The following MYOCD variants were observed in gnomAD, a reference collection of about 807,000 sequenced individuals.
MYOCD encodes myocardin.
A neutral mutation model predicts 96.1 loss-of-function variants in MYOCD; 32 were observed. The observed-to-expected ratio is 0.33, with a 90% CI of 0.25 to 0.45. The LOEUF is 0.45. Ranked by LOEUF, MYOCD falls within the 20% of genes least tolerant of loss-of-function variation. The probability of loss-of-function intolerance (pLI) is 1.00; values close to 1 mark genes in which losing one functional copy is unlikely to be tolerated. For missense variants in MYOCD, 1,133 were observed against 1,200.6 expected, an observed-to-expected ratio of 0.94 and a Z score of 0.83; for synonymous variants, 469 against 469.0, an observed-to-expected ratio of 1.00 and a Z score of 0.00.
rs1303118897 is a variant in MYOCD at position 12,704,537 on chromosome 17, CAGG to C, written c.56-588_56-586del. 9.2e-5 allele frequency among the ~76,000 whole-genome samples: 14 copies of C among 152,124 alleles called. No individual in the cohort carries two copies. The South Asian group carries it at 1.9e-3, about 20-fold the overall frequency. The stretch of plus-strand genomic sequence containing the variant: ...CTCCAATAGTCCTTCTTTGAATTCC[CAGG>C]AGAATTCCAGATTCTCATAATACTA... On this transcript the variant is annotated intron_variant, in intron 1 of 13. Transcript: ENST00000425538.
intron 5 of MYOCD, among the ~76,000 whole-genome samples, chr17:12,734,574 G>A (rs1368250073): frequency 7.1e-6 from 1 of 140,820 alleles, no homozygotes; most frequent in African/African-American, 2.7e-5. Flanking sequence ...TCAGTGGTGT[G>A]ATCTCTGCTG....
intron 1 of MYOCD, among the ~76,000 whole-genome samples, chr17:12,674,950 A>G (rs1909927737): frequency 6.6e-6 from 1 of 152,236 alleles, no homozygotes; most frequent in Non-Finnish European, 1.5e-5. Context: ...GGTCACTTAA[A>G]CACTTTAAAA....
At chr17:12,714,362 C>CACACACACACACACACACA (rs1597772908) in intron 2 of MYOCD, among the ~76,000 whole-genome samples, 6 of 147,636 alleles carry the variant, frequency 4.1e-5, no homozygotes, top group Admixed American at 1.4e-4. Context: ...CACACACACA[C>CACACACACACACACACACA]CCCGATCTGG....
At chr17:12,667,419 G>A (rs1342709354) in intron 1 of MYOCD, among the ~76,000 whole-genome samples, 2 of 152,054 alleles carry the variant, frequency 1.3e-5, no homozygotes, top group East Asian at 3.9e-4. Flanking sequence ...GGATGAGTCC[G>A]CCAGCCACTG....
At chr17:12,695,692 T>G (rs1010041034) in intron 1 of MYOCD, among the ~76,000 whole-genome samples, 12 of 152,326 alleles carry the variant, frequency 7.9e-5, no homozygotes, top group African/African-American at 9.6e-5. Flanking sequence ...TGAATTTTAA[T>G]TTTTTGAATT....
chr17:12,700,477 G>C (rs190952432), intron 1 of MYOCD, among the ~76,000 whole-genome samples: 14 of 136,860 alleles, frequency 1.0e-4, no homozygotes, highest in African/African-American at 1.9e-4. Flanking sequence ...GCAGTGGCGC[G>C]ATCTCAGCTT....
At chr17:12,672,361 A>T (rs1291895890) in intron 1 of MYOCD, among the ~76,000 whole-genome samples, 1 of 152,206 alleles carries the variant, frequency 6.6e-6, no homozygotes, top group Non-Finnish European at 1.5e-5. Flanking sequence ...GCCCAATAAT[A>T]GTTTTGCAGC....
At chr17:12,754,279 T>C (rs532641211) in intron 10 of MYOCD, among the ~76,000 whole-genome samples, 2 of 148,010 alleles carry the variant, frequency 1.4e-5, no homozygotes, top group East Asian at 3.9e-4. Context: ...TATTTTTGTA[T>C]TTTTAGTAGA....
chr17:12,736,245 C>T lies in MYOCD; in HGVS notation c.500C>T (p.Thr167Ile). The part of the protein sequence containing the change: ...SSSDGLSPDQ[T>I]RSEDPQNSAG... ...AGCGATGGGCTTTCTCCGGATCAGA[C>T]TCGAAGTGAAGACCCCCAAAACTCA... The change falls in exon 6 of 14, where the codon ACT becomes ATT. Residue 167 changes from threonine to isoleucine, a missense_variant. Thr to Ile is a moderately conservative substitution (Grantham distance 89, BLOSUM62 -1). Coordinates refer to ENST00000425538, the MANE Select transcript of MYOCD (RefSeq NM_001146312.3). 1 of 1,614,224 alleles carries T rather than the reference C, an allele frequency of 6.2e-7. No homozygotes were observed. Among genetic ancestry groups the T allele is most frequent in the Non-Finnish European group, 8.5e-7 (1 of 1,180,038 alleles).
intron 5 of MYOCD, among the ~76,000 whole-genome samples, chr17:12,733,103 G>A (rs1232465984): frequency 6.6e-6 from 1 of 152,096 alleles, no homozygotes; most frequent in Non-Finnish European, 1.5e-5. Context: ...GAGGTCAGGA[G>A]ATCGAAACCA....
intron 7 of MYOCD, among the ~76,000 whole-genome samples, chr17:12,742,059 A>G (rs2150709039): frequency 6.6e-6 from 1 of 152,218 alleles, no homozygotes; most frequent in East Asian, 1.9e-4. Flanking sequence ...GGACCCTGCC[A>G]GGGCTGCAGC....
At chr17:12,762,888 G>C in intron 13 of MYOCD, 185 bp from the exon 14 acceptor site, 1 of 584,010 alleles carries the variant, frequency 1.7e-6, no homozygotes, top group Non-Finnish European at 3.0e-6. Context: ...CAAGAGGAAA[G>C]GGTTTGGGAA....
In MYOCD at chr17:12,756,521, A is replaced by C. The variant is rs1038036379; in HGVS notation, c.2166A>C (p.Gly722=). The C allele has an allele frequency of 3.2e-6, 5 of 1,551,614 alleles. No homozygotes were observed. In the Admixed American group the frequency reaches 9.8e-5, roughly 30 times the overall value. ...CAGACAGCAGTCATGGTGCCGGGGGAAACCCTTGTCCCAAAAGCCCATGTG... is the reference window on the plus strand; with the variant it reads ...CAGACAGCAGTCATGGTGCCGGGGGCAACCCTTGTCCCAAAAGCCCATGTG... The part of the protein sequence containing the change: ...AQADSSHGAG[G]NPCPKSPCVQ... Residue 722 remains glycine, a synonymous_variant, in exon 11 of 14, where the codon GGA becomes GGC. Coordinates refer to ENST00000425538, the MANE Select transcript of MYOCD (RefSeq NM_001146312.3).
At position 12,752,720 on chromosome 17, in the gene MYOCD, G is replaced by T; in HGVS notation, c.1432G>T (p.Ala478Ser). 3 of 1,614,140 alleles carry T rather than the reference G, an allele frequency of 1.9e-6. No homozygotes were observed. Among genetic ancestry groups the T allele is most frequent in the Non-Finnish European group, 8.5e-7 (1 of 1,180,028 alleles). Residue 478 changes from alanine to serine, a missense_variant, in exon 10 of 14, where the codon GCC (alanine) becomes TCC (serine). Ala to Ser is a moderately conservative substitution (Grantham distance 99). Transcript: ENST00000425538. ...GTCCCTGCCGGACACCTTCAATGAT[G>T]CCTCCCCCTCCTTCGGCCTGCACCC... ...AGSLPDTFND[A>S]SPSFGLHPSP...
In MYOCD at chr17:12,754,061, G is replaced by GGTGTGTGTGTGTGT. The variant is rs71144923; in HGVS notation, c.2058+716_2058+729dup. Among the ~76,000 whole-genome samples the GGTGTGTGTGTGTGT allele has an allele frequency of 6.6e-3, 983 of 149,576 alleles. 14 individuals carry two copies. The highest frequency in any genetic ancestry group is 0.01 in the Middle Eastern group (3 of 292). ...ACATCTTATGGAGAAAAAGCAAAGA[G>GGTGTGTGTGTGTGT]GTGTGTGTGTGTGTATGTGTGTGTG... On this transcript the variant is annotated intron_variant, in intron 10 of 13. Transcript: ENST00000425538.
Position 12,765,864 on chromosome 17 carries a change from G to C in MYOCD, c.*2220G>C, listed in dbSNP as rs749144577. On this transcript the variant is annotated 3_prime_UTR_variant, in exon 14 of 14. Transcript: ENST00000425538. The stretch of plus-strand genomic sequence containing the variant: ...GGAAATGGTATCACAGTCTCTTATA[G>C]AGGAATATGAAAGGAACAAGAAAAT... 1 of 152,214 alleles carries C rather than the reference G, an allele frequency of 6.6e-6. No homozygotes were observed. Among genetic ancestry groups the C allele is most frequent in the Non-Finnish European group, 1.5e-5 (1 of 68,038 alleles). The allele number at this position is 152,214 out of a possible 1,614,324, so 9.4% of individuals were successfully genotyped here.
intron 5 of MYOCD, among the ~76,000 whole-genome samples, chr17:12,727,937 GA>G (rs560215598): frequency 1.5e-4 from 23 of 152,014 alleles, no homozygotes; most frequent in Admixed American, 1.3e-3. Context: ...CAGGTGGAGG[GA>G]AAAAAACAGG....
chr17:12,758,271 T>A (rs778703935), intron 12 of MYOCD, 58 bp downstream of exon 12: 1 of 1,609,234 alleles, frequency 6.2e-7, no homozygotes, highest in Non-Finnish European at 8.5e-7. Flanking sequence ...ACAGACATTG[T>A]TTGATATGAT....
intron 10 of MYOCD, 30 bp downstream of exon 10, chr17:12,753,376 A>T: frequency 6.6e-7 from 1 of 1,513,608 alleles, no homozygotes; most frequent in Non-Finnish European, 8.9e-7. Context: ...TGCCTGGTGC[A>T]CACTTCTTTC....
Sources: gnomAD v4.1 joint callset for allele counts (sites outside exome capture counted in the v4.1 genomes callset) on GRCh38, gnomAD v4.1.1 for gene constraint, MANE v1.5 for transcripts, NCBI Gene and HGNC (gene_info 2026-07-23, HGNC 2026-07-21) for gene names.